Variants in DCHS2 observed in about 807,000 individuals in gnomAD.
The protein encoded by DCHS2 is protocadherin-23.
A neutral mutation model predicts 182.4 loss-of-function variants in DCHS2; 142 were observed. That is an observed-to-expected ratio of 0.78 (90% confidence interval 0.68 to 0.89). DCHS2 has a LOEUF of 0.89. DCHS2 is among the 40% of genes least tolerant of loss of function. DCHS2 has a pLI of 0.00. For synonymous variants in DCHS2, 1,740 were observed against 1,663.3 expected, an observed-to-expected ratio of 1.05 and a Z score of -1.12; for missense variants, 4,319 against 4,198.6, an observed-to-expected ratio of 1.03 and a Z score of -0.79.
In DCHS2 at chr4:154,233,426, G is replaced by T. The variant is rs1485920975; in HGVS notation, c.*1110C>A. Reference sequence around the variant, plus strand: ...TGACAGTTAAATTAAAGCTGCAAGTGTGTGAGCAAATGGTAAAAAGACTTC... The same window carrying T: ...TGACAGTTAAATTAAAGCTGCAAGTTTGTGAGCAAATGGTAAAAAGACTTC... On this transcript the variant is annotated 3_prime_UTR_variant, in exon 20 of 20. Coordinates refer to ENST00000357232, the MANE Select transcript of DCHS2 (RefSeq NM_001358235.2). 1.3e-5 allele frequency: 2 copies of T among 152,186 alleles called. No individual in the cohort carries two copies. The highest frequency in any genetic ancestry group is 3.8e-4 in the East Asian group (2 of 5,202). The allele number at this position is 152,186 out of a possible 1,614,324, so 9.4% of individuals were successfully genotyped here.
chr4:154,379,737 G>A (rs1731084092), intron 1 of DCHS2, among the ~76,000 whole-genome samples: 2 of 152,106 alleles, frequency 1.3e-5, no homozygotes. Flanking sequence ...ACATGCAGGA[G>A]CTACAACTTA....
intron 1 of DCHS2, among the ~76,000 whole-genome samples, chr4:154,433,301 C>G (rs934829547): frequency 2.6e-5 from 4 of 151,822 alleles, no homozygotes; most frequent in East Asian, 1.9e-4. Context: ...AACCTTGGAG[C>G]CTTCAGAGGG....
intron 7 of DCHS2, 173 bp from the exon 8 acceptor site, chr4:154,322,661 T>C: frequency 1.2e-6 from 1 of 857,884 alleles, no homozygotes; most frequent in Non-Finnish European, 1.6e-6. Context: ...TTTAAAAATT[T>C]TTATTATGGA....
rs571404186 is a variant in DCHS2 at position 154,316,602 on chromosome 4, G to T, written c.5021-615C>A. ...GTTCAAGACCAGCCTGGCCAACATG[G>T]TGAAACTCCATCTCCTCTAAAAACA... On this transcript the variant is annotated intron_variant, in intron 9 of 19. Transcript: ENST00000357232. Among the ~76,000 whole-genome samples the T allele has an allele frequency of 2.0e-5, 3 of 152,146 alleles. No homozygotes were observed. In the South Asian group the frequency reaches 6.2e-4, roughly 32 times the overall value.
intron 13 of DCHS2, among the ~76,000 whole-genome samples, chr4:154,276,345 T>C (rs1411121520): frequency 6.6e-6 from 1 of 152,178 alleles, no homozygotes; most frequent in East Asian, 1.9e-4. Context: ...TTTTCTTCTT[T>C]ACAAAAATAG....
At chr4:154,410,737 CT>C (rs1400254508) in intron 1 of DCHS2, among the ~76,000 whole-genome samples, 2 of 152,032 alleles carry the variant, frequency 1.3e-5, no homozygotes, top group Non-Finnish European at 2.9e-5. Flanking sequence ...TTTCTTAAGT[CT>C]TAGAAGAGAT....
intron 1 of DCHS2, among the ~76,000 whole-genome samples, chr4:154,404,751 T>C (rs573451323): frequency 1.4e-4 from 22 of 152,346 alleles, no homozygotes; most frequent in African/African-American, 5.1e-4. Flanking sequence ...TAATTGACCT[T>C]TTATGGTTAT....
Position 154,405,018 on chromosome 4 carries a change from G to A in DCHS2, c.2053-27574C>T, listed in dbSNP as rs1320723836. Among the ~76,000 whole-genome samples, 4 of 152,102 alleles carry A rather than the reference G, an allele frequency of 2.6e-5. No individual in the cohort carries two copies. In the East Asian group the frequency reaches 7.7e-4, roughly 29 times the overall value. On this transcript the variant is annotated intron_variant, in intron 1 of 19. Transcript: ENST00000357232. ...TCCCAGCAGTTTGGGAGGCTGAGGT[G>A]GCTGGATCACCTGAGGTCAGGAGTT...
At position 154,378,577 on chromosome 4, in the gene DCHS2, C is replaced by T. The variant is rs914708807; in HGVS notation, c.2053-1133G>A. On this transcript the variant is annotated intron_variant, in intron 1 of 19. Coordinates refer to ENST00000357232, the MANE Select transcript of DCHS2 (RefSeq NM_001358235.2). ...GGAAGGAAGGAAGGTAGGAAGGATT[C>T]CGTGCTACAGAACACGTACTCTTAT... Among the ~76,000 whole-genome samples the T allele has an allele frequency of 3.7e-5, 4 of 107,620 alleles. No homozygotes were observed. The South Asian group carries it at 1.3e-3, about 36-fold the overall frequency. 70.6% of individuals were successfully genotyped at this position (107,620 alleles called of 152,430 possible). A position where few individuals can be genotyped will look rare whatever the true frequency, so the allele number is the denominator to read the frequency against.
Position 154,365,082 on chromosome 4 carries a change from T to G in DCHS2, c.2476+1128A>C, listed in dbSNP as rs1182152216. Among the ~76,000 whole-genome samples the G allele has an allele frequency of 4.6e-5, 7 of 152,142 alleles. No individual in the cohort carries two copies. The East Asian group carries it at 1.3e-3, about 29-fold the overall frequency. On this transcript the variant is annotated intron_variant, in intron 3 of 19. Transcript: ENST00000357232. Reference sequence around the variant, plus strand: ...AATGAATAGAAAATGGAAGGTAACTTCTTAAATATTCATGATTTCTAAAAG... The same window carrying G: ...AATGAATAGAAAATGGAAGGTAACTGCTTAAATATTCATGATTTCTAAAAG...
At chr4:154,390,756 T>C (rs1378116403) in intron 1 of DCHS2, among the ~76,000 whole-genome samples, 1 of 152,178 alleles carries the variant, frequency 6.6e-6, no homozygotes, top group African/African-American at 2.4e-5. Flanking sequence ...AGGACAACAA[T>C]CATTTTCAAA....
chr4:154,461,718 CT>C (rs1432620186), intron 1 of DCHS2, among the ~76,000 whole-genome samples: 2 of 151,732 alleles, frequency 1.3e-5, no homozygotes, highest in East Asian at 1.9e-4. Context: ...AAGATGTTGC[CT>C]TTTTTTTCCT....
chr4:154,239,434 G>T, intron 18 of DCHS2, 132 bp from the exon 19 acceptor site: 1 of 1,371,136 alleles, frequency 7.3e-7, no homozygotes, highest in Non-Finnish European at 9.9e-7. Flanking sequence ...GACTTTGTTA[G>T]ACATATTAAT....
chr4:154,465,723 T>C (rs1016991577), intron 1 of DCHS2, among the ~76,000 whole-genome samples: 1 of 151,352 alleles, frequency 6.6e-6, no homozygotes, highest in Non-Finnish European at 1.5e-5. Flanking sequence ...TAGTCAGAAG[T>C]GAGTTACTAA....
intron 1 of DCHS2, among the ~76,000 whole-genome samples, chr4:154,466,959 A>G (rs912567513): frequency 1.3e-5 from 2 of 152,150 alleles, no homozygotes; most frequent in Non-Finnish European, 2.9e-5. Flanking sequence ...TCTCTTTCCC[A>G]TATTCACAGG....
chr4:154,483,975 G>A (rs928300606), intron 1 of DCHS2, among the ~76,000 whole-genome samples: 4 of 152,020 alleles, frequency 2.6e-5, no homozygotes, highest in East Asian at 1.9e-4. Context: ...GCTCTAAATA[G>A]CCTTCAAGAT....
At chr4:154,328,218 A>C (rs112461489) in intron 6 of DCHS2, 26 bp from the exon 7 acceptor site, 10 of 1,563,986 alleles carry the variant, frequency 6.4e-6, no homozygotes, top group Non-Finnish European at 8.7e-6. Context: ...ACAGCTTACA[A>C]ATGAGTCAGC....
chr4:154,427,879 G>C (rs1733396144), intron 1 of DCHS2, among the ~76,000 whole-genome samples: 1 of 152,200 alleles, frequency 6.6e-6, no homozygotes. Context: ...GGAATGTTGT[G>C]ATTGAAATAA....
chr4:154,335,055 A>G lies in DCHS2; in HGVS notation c.2526T>C (p.Leu842=), dbSNP rs1561051530. The G allele has an allele frequency of 6.2e-7, 1 of 1,613,702 alleles. No homozygotes were observed. The highest frequency in any genetic ancestry group is 8.5e-7 in the Non-Finnish European group (1 of 1,179,582). The change falls in exon 4 of 20, where the codon CTT becomes CTC. Residue 842 remains leucine, a synonymous_variant. Transcript: ENST00000357232. ...LPLSHLESTT[L]SLMVSAQDGG... Reference sequence around the variant, plus strand: ...CGTCTTGAGCAGAGACCATCAACGAAAGTGTGGTAGATTCCAAATGACTAA... The same window carrying G: ...CGTCTTGAGCAGAGACCATCAACGAGAGTGTGGTAGATTCCAAATGACTAA...
Sources: gnomAD v4.1 joint callset for allele counts (sites outside exome capture counted in the v4.1 genomes callset) on GRCh38, gnomAD v4.1.1 for gene constraint, MANE v1.5 for transcripts, NCBI Gene and HGNC (gene_info 2026-07-23, HGNC 2026-07-21) for gene names.